COL4A2: variants seen among roughly 807,000 people sequenced by gnomAD.
COL4A2 encodes collagen type IV alpha 2 chain.
A neutral mutation model predicts 200.2 loss-of-function variants in COL4A2; 99 were observed. That is an observed-to-expected ratio of 0.49 (90% CI 0.42 to 0.58). COL4A2 has a LOEUF of 0.58. Ranked by LOEUF, COL4A2 falls within the 20% of genes least tolerant of loss-of-function variation. COL4A2 has a pLI of 0.00. For synonymous variants in COL4A2, 897 were observed against 900.6 expected (o/e 1.00, Z 0.07); for missense variants, 1,950 against 2,314.1 (o/e 0.84, Z 3.23).
At chr13:110,504,746 C>A in intron 45 of COL4A2, among the ~76,000 whole-genome samples, 1 of 152,002 alleles carries the variant, frequency 6.6e-6, no homozygotes, top group East Asian at 1.9e-4. Context: ...GTTGGGACTA[C>A]AGGCATGTGC....
chr13:110,496,464 G>T (rs1883457506), intron 40 of COL4A2, among the ~76,000 whole-genome samples: 1 of 152,218 alleles, frequency 6.6e-6, no homozygotes, highest in South Asian at 2.1e-4. Context: ...ACAGGAGCCA[G>T]ACTATCCTGG....
rs111317779 is a variant in COL4A2 at position 110,313,528 on chromosome 13, C to A, written c.99+5405C>A. On this transcript the variant is annotated intron_variant, in intron 3 of 47. Coordinates refer to ENST00000360467, the MANE Select transcript of COL4A2 (RefSeq NM_001846.4). ...GTGCCCCGCGTCCACCCGGCAGGCT[C>A]CCACCCCGGTGCCCCGCGTCCACCC... Among the ~76,000 whole-genome samples, 216 of 134,392 alleles carry A rather than the reference C, an allele frequency of 1.6e-3. 4 individuals are homozygous for A. The East Asian group carries it at 0.026, about 16-fold the overall frequency. 88.2% of individuals were successfully genotyped at this position (134,392 alleles called of 152,430 possible).
chr13:110,315,456 C>T (rs1229722082), intron 3 of COL4A2, among the ~76,000 whole-genome samples: 1 of 152,264 alleles, frequency 6.6e-6, no homozygotes, highest in East Asian at 1.9e-4. Context: ...AGTGCAGTGG[C>T]GTGATCTTGG....
At position 110,425,073 on chromosome 13, in the gene COL4A2, AT is replaced by A. The variant is rs910899433; in HGVS notation, c.360+80del. On this transcript the variant is annotated intron_variant, in intron 6 of 47. Coordinates refer to ENST00000360467, the MANE Select transcript of COL4A2 (RefSeq NM_001846.4). ...AATACATTTTGTGACTTAAAGAAAC[AT>A]TTTGAATGAGACCTCCTTTTTTGTT... is the stretch of plus-strand genomic sequence containing the variant. 3.2e-6 allele frequency: 5 copies of A among 1,564,238 alleles called. No individual in the cohort carries two copies. The African/African-American group carries it at 6.8e-5, about 21-fold the overall frequency.
intron 4 of COL4A2, among the ~76,000 whole-genome samples, chr13:110,392,986 C>G (rs1380413425): frequency 6.6e-6 from 1 of 152,210 alleles, no homozygotes; most frequent in Non-Finnish European, 1.5e-5. Context: ...AGGATTCTGA[C>G]TAGCCTGGAG....
chr13:110,484,833 C>A, intron 32 of COL4A2, 72 bp from the exon 33 acceptor site: 2 of 1,496,950 alleles, frequency 1.3e-6, no homozygotes, highest in South Asian at 2.7e-5. Context: ...GGCTCAGGGA[C>A]CAGGCCTTCA....
At chr13:110,361,351 T>C (rs770911026) in intron 4 of COL4A2, among the ~76,000 whole-genome samples, 6 of 152,232 alleles carry the variant, frequency 3.9e-5, no homozygotes, top group African/African-American at 7.2e-5. Context: ...CAGAGCTTGC[T>C]GTCGAAAGGG....
chr13:110,335,465 T>G (rs758809170), intron 3 of COL4A2, among the ~76,000 whole-genome samples: 2 of 152,180 alleles, frequency 1.3e-5, no homozygotes, highest in Non-Finnish European at 2.9e-5. Context: ...CTCTCTCTTG[T>G]CTGCCACCAT....
Position 110,443,598 on chromosome 13 carries a change from G to A in COL4A2, c.958-2231G>A, listed in dbSNP as rs75719737. On this transcript the variant is annotated intron_variant, in intron 16 of 47. Transcript: ENST00000360467. ...AAGTTATTAGATTTGGGGGAGGGCCGGGGAGAAAGGAGGTTGCAGTTTCAA... is the reference window on the plus strand; with the variant it reads ...AAGTTATTAGATTTGGGGGAGGGCCAGGGAGAAAGGAGGTTGCAGTTTCAA... Among the ~76,000 whole-genome samples the A allele has an allele frequency of 3.0e-3, 457 of 152,312 alleles. 1 individual carries two copies. The highest frequency in any genetic ancestry group is 0.011 in the African/African-American group (437 of 41,580).
intron 4 of COL4A2, among the ~76,000 whole-genome samples, chr13:110,409,314 A>G (rs1283189457): frequency 6.6e-6 from 1 of 152,230 alleles, no homozygotes; most frequent in East Asian, 1.9e-4. Context: ...TGTGACGGGT[A>G]AATCGCAATA....
chr13:110,440,579 A>T (rs1416141679), intron 16 of COL4A2, among the ~76,000 whole-genome samples: 2 of 152,190 alleles, frequency 1.3e-5, no homozygotes, highest in Non-Finnish European at 2.9e-5. Flanking sequence ...CTGGGCAACA[A>T]GAGTGAAACT....
chr13:110,330,194 C>T (rs375701647), intron 3 of COL4A2, among the ~76,000 whole-genome samples: 18 of 152,170 alleles, frequency 1.2e-4, no homozygotes, highest in African/African-American at 4.3e-4. Flanking sequence ...GTCACTCTTA[C>T]AGCTGCATGA....
chr13:110,471,136 G>A (rs1212534469), intron 28 of COL4A2, among the ~76,000 whole-genome samples: 1 of 152,240 alleles, frequency 6.6e-6, no homozygotes, highest in African/African-American at 2.4e-5. Context: ...TTTGAGAGAA[G>A]GATAATAATT....
At chr13:110,486,095 A>G (rs1378208951) in intron 34 of COL4A2, among the ~76,000 whole-genome samples, 1 of 152,134 alleles carries the variant, frequency 6.6e-6, no homozygotes, top group African/African-American at 2.4e-5. Context: ...TGCATTTTTC[A>G]TGGTGGCCTT....
intron 3 of COL4A2, among the ~76,000 whole-genome samples, chr13:110,313,474 CCGCG>C (rs1885044895): frequency 6.6e-6 from 1 of 151,688 alleles, no homozygotes; most frequent in Admixed American, 6.6e-5. Flanking sequence ...CCCCGGTGCC[CCGCG>C]TCCACCCGGC....
At chr13:110,428,441 G>A in intron 6 of COL4A2, 26 bp from the exon 7 acceptor site, 1 of 1,419,688 alleles carries the variant, frequency 7.0e-7, no homozygotes. Flanking sequence ...CTGGTTGGCT[G>A]ATTCTCTCAC....
intron 4 of COL4A2, among the ~76,000 whole-genome samples, chr13:110,367,422 G>A (rs1877803021): frequency 1.3e-5 from 2 of 152,330 alleles, no homozygotes; most frequent in Non-Finnish European, 2.9e-5. Context: ...TAAAGAAACC[G>A]AAGGTTGGAT....
chr13:110,461,755 G>C (rs1315072733), intron 22 of COL4A2, among the ~76,000 whole-genome samples: 1 of 152,124 alleles, frequency 6.6e-6, no homozygotes, highest in Non-Finnish European at 1.5e-5. Context: ...GGCTGGTCTT[G>C]AACTCCTGAC....
chr13:110,457,525 G>A (rs1881814976), intron 21 of COL4A2, 90 bp downstream of exon 21: 3 of 794,402 alleles, frequency 3.8e-6, no homozygotes, highest in Non-Finnish European at 6.6e-6. Context: ...CCCCACTCAC[G>A]TGTTTGGACA....
Sources: allele counts gnomAD v4.1 joint callset (sites outside exome capture counted in the v4.1 genomes callset), GRCh38; gene constraint gnomAD v4.1.1; transcripts MANE v1.5; gene names NCBI Gene and HGNC (gene_info 2026-07-23, HGNC 2026-07-21).